The following TEAD4 variants were observed in gnomAD, a reference collection of about 807,000 sequenced individuals.
The protein encoded by TEAD4 is transcriptional enhancer factor TEF-3.
TEAD4 carries 36 observed loss-of-function variants against 52.4 expected under a neutral mutation model. That is an observed-to-expected ratio of 0.69 (90% CI 0.53 to 0.91). The LOEUF is 0.91. Among genes scored for constraint, TEAD4 ranks in the 40% least tolerant of loss-of-function variants. The pLI is 0.00. For missense variants in TEAD4, 508 were observed against 583.9 expected (o/e 0.87, Z 1.34); for synonymous variants, 220 against 231.0 (o/e 0.95, Z 0.43).
intron 2 of TEAD4, among the ~76,000 whole-genome samples, chr12:2,966,861 C>T (rs1038591158): frequency 3.9e-5 from 6 of 152,142 alleles, no homozygotes; most frequent in Non-Finnish European, 8.8e-5. Flanking sequence ...CACCTGCCAC[C>T]ACGCCTGGCT....
At position 3,010,472 on chromosome 12, in the gene TEAD4, CT is replaced by C. The variant is rs576491294; in HGVS notation, c.227-531del. ...TTATGAGCGGACGGGCTCAGGCCTC[CT>C]CTCCAGGGACACTAAGTGTCTCCAG... On this transcript the variant is annotated intron_variant, in intron 3 of 12. Coordinates refer to ENST00000359864, the MANE Select transcript of TEAD4 (RefSeq NM_003213.4). 1.2e-4 allele frequency among the ~76,000 whole-genome samples: 19 copies of C among 152,374 alleles called. No individual in the cohort carries two copies. The East Asian group carries it at 3.3e-3, about 26-fold the overall frequency.
intron 10 of TEAD4, among the ~76,000 whole-genome samples, chr12:3,026,283 T>G (rs925753861): frequency 3.3e-5 from 5 of 152,218 alleles, no homozygotes; most frequent in Non-Finnish European, 7.3e-5. Flanking sequence ...TTCCTTAATT[T>G]TGTATTCTGA....
rs2098268976 is a variant in TEAD4, at chr12:3,021,899, C to T, written c.779C>T (p.Pro260Leu). The stretch of plus-strand genomic sequence containing the variant: ...CAGTCCAGCCCAAGCTACAGCGACC[C>T]CTACCTCGAAGCCGTGGACATCCGC... The change falls in exon 10 of 13, where the codon CCC (proline) becomes CTC (leucine). Residue 260 changes from proline to leucine, a missense_variant. Pro to Leu is a moderately conservative substitution (Grantham distance 98). Transcript: ENST00000359864. 1 of 1,614,120 alleles carries T rather than the reference C, an allele frequency of 6.2e-7. No individual in the cohort carries two copies. The highest frequency in any genetic ancestry group is 8.5e-7 in the Non-Finnish European group (1 of 1,180,048).
At chr12:2,996,311 G>C (rs548390547) in intron 3 of TEAD4, among the ~76,000 whole-genome samples, 2 of 152,138 alleles carry the variant, frequency 1.3e-5, no homozygotes, top group East Asian at 3.9e-4. Context: ...GCTTCCCCAG[G>C]GTCGCCCTTA....
Position 3,020,699 on chromosome 12 carries a change from C to G in TEAD4, c.649C>G (p.Arg217Gly). ...GCCCCCGGCACCCCCATGGCAGGGCCGCAGCGTGGCCAGCTCCAAGCTCTG... is the reference window on the plus strand; with the variant it reads ...GCCCCCGGCACCCCCATGGCAGGGCGGCAGCGTGGCCAGCTCCAAGCTCTG... The change falls in exon 9 of 13, where the codon CGC becomes GGC. Residue 217 changes from arginine to glycine, a missense_variant. Physicochemically the swap from Arg to Gly is moderately radical, Grantham distance 125. Transcript: ENST00000359864. 6.2e-7 allele frequency: 1 copy of G among 1,609,108 alleles called. No homozygotes were observed. Among genetic ancestry groups the G allele is most frequent in the Non-Finnish European group, 8.5e-7 (1 of 1,177,728 alleles).
chr12:3,014,938 C>A (rs1591586919), intron 5 of TEAD4, among the ~76,000 whole-genome samples: 2 of 152,232 alleles, frequency 1.3e-5, no homozygotes, highest in African/African-American at 2.4e-5. Flanking sequence ...CCTGCCAAGT[C>A]CCTCATGCCC....
At chr12:3,014,135 G>A (rs1386837401) in intron 5 of TEAD4, among the ~76,000 whole-genome samples, 2 of 152,152 alleles carry the variant, frequency 1.3e-5, no homozygotes, top group African/African-American at 4.8e-5. Context: ...CAGCTGACCA[G>A]CCCTCAGCTG....
Position 3,033,503 on chromosome 12 carries a change from C to T in TEAD4, c.898-4465C>T, listed in dbSNP as rs369342427. Among the ~76,000 whole-genome samples the T allele has an allele frequency of 7.9e-5, 12 of 152,300 alleles. No homozygotes were observed. In the East Asian group the frequency reaches 1.5e-3, roughly 20 times the overall value. ...GCACATTGGAAATGCCAGGCAGAGC[C>T]GGGCTGCACCGTGGAGGCAGCAGAG... On this transcript the variant is annotated intron_variant, in intron 10 of 12. Coordinates refer to ENST00000359864, the MANE Select transcript of TEAD4 (RefSeq NM_003213.4).
chr12:2,966,485 A>C (rs1205486747), intron 2 of TEAD4, among the ~76,000 whole-genome samples: 2 of 149,664 alleles, frequency 1.3e-5, no homozygotes, highest in Non-Finnish European at 3.0e-5. Context: ...ATCTTGGCTC[A>C]CTGCAACCTC....
At position 3,040,247 on chromosome 12, in the gene TEAD4, C is replaced by CACCA; in HGVS notation, c.1180_1183dup (p.Ile395AsnfsTer23). On this transcript the variant is annotated frameshift_variant, in exon 12 of 13. Transcript: ENST00000359864. LOFTEE classifies it high-confidence loss of function. Reference sequence around the variant, plus strand: ...TGATGAACAGCGTGCTGGAGAACTTCACCATCCTGCAGGTGTGCGGCGGGT... The same window carrying CACCA: ...TGATGAACAGCGTGCTGGAGAACTTCACCAACCATCCTGCAGGTGTGCGGCGGGT... The CACCA allele has an allele frequency of 1.2e-6, 2 of 1,614,232 alleles. No homozygotes were observed. The highest frequency in any genetic ancestry group is 1.7e-6 in the Non-Finnish European group (2 of 1,180,042).
chr12:2,980,803 G>A (rs571920486), intron 2 of TEAD4, among the ~76,000 whole-genome samples: 1 of 152,284 alleles, frequency 6.6e-6, no homozygotes, highest in East Asian at 1.9e-4. Flanking sequence ...ACTCACGCCT[G>A]TAATCCCAGC....
chr12:2,985,481 CCTT>C (rs1301787057), intron 2 of TEAD4, among the ~76,000 whole-genome samples: 1 of 150,482 alleles, frequency 6.6e-6, no homozygotes, highest in Non-Finnish European at 1.5e-5. Flanking sequence ...ATTCTATAAG[CCTT>C]CTTCTGTTTA....
At chr12:2,977,237 C>G (rs1176711126) in intron 2 of TEAD4, among the ~76,000 whole-genome samples, 2 of 152,212 alleles carry the variant, frequency 1.3e-5, no homozygotes, top group Non-Finnish European at 2.9e-5. Context: ...AGGATCTGAG[C>G]TCAGGCGTCT....
intron 2 of TEAD4, among the ~76,000 whole-genome samples, chr12:2,973,316 C>T (rs995896368): frequency 6.6e-6 from 1 of 152,210 alleles, no homozygotes; most frequent in African/African-American, 2.4e-5. Context: ...AGCAGTCCAC[C>T]CGCCTCGCCT....
At chr12:2,964,230 G>A (rs1275123422) in intron 2 of TEAD4, among the ~76,000 whole-genome samples, 5 of 152,300 alleles carry the variant, frequency 3.3e-5, no homozygotes, top group East Asian at 1.9e-4. Context: ...TGCCACGCTC[G>A]CCCCTGCCAG....
intron 2 of TEAD4, among the ~76,000 whole-genome samples, chr12:2,986,560 A>G (rs1401605644): frequency 6.6e-6 from 1 of 151,716 alleles, no homozygotes; most frequent in Admixed American, 6.6e-5. Flanking sequence ...GAATCGCTTG[A>G]CCTCAGGAAG....
intron 3 of TEAD4, among the ~76,000 whole-genome samples, chr12:2,998,023 C>T (rs1420215423): frequency 1.3e-5 from 2 of 152,136 alleles, no homozygotes; most frequent in African/African-American, 4.8e-5. Flanking sequence ...CCAGCCCTGG[C>T]AACTGCCATT....
At chr12:2,974,348 T>C (rs2153953039) in intron 2 of TEAD4, among the ~76,000 whole-genome samples, 1 of 152,286 alleles carries the variant, frequency 6.6e-6, no homozygotes, top group South Asian at 2.1e-4. Context: ...TAATCTTCCT[T>C]CCTATCCCTG....
intron 10 of TEAD4, 27 bp downstream of exon 10, chr12:3,022,044 C>T: frequency 6.2e-7 from 1 of 1,610,430 alleles, no homozygotes; most frequent in Non-Finnish European, 8.5e-7. Flanking sequence ...CCCTTCTTTC[C>T]TGCCACCAGC....
Sources: gnomAD v4.1 joint callset for allele counts (sites outside exome capture counted in the v4.1 genomes callset) on GRCh38, gnomAD v4.1.1 for gene constraint, MANE v1.5 for transcripts, NCBI Gene and HGNC (gene_info 2026-07-23, HGNC 2026-07-21) for gene names.